Variants in MSI2 observed in about 807,000 individuals in gnomAD.
MSI2 encodes the protein musashi RNA binding protein 2, also known as RNA-binding protein Musashi homolog 2.
A neutral mutation model predicts 45.6 loss-of-function variants in MSI2; 17 were observed. That is an observed-to-expected ratio of 0.37 (90% CI 0.26 to 0.56). The LOEUF is 0.56. Among genes scored for constraint, MSI2 ranks in the 20% least tolerant of loss-of-function variants. The pLI is 0.77. For missense variants in MSI2, 293 were observed against 444.2 expected (o/e 0.66, Z 3.06); for synonymous variants, 156 against 158.2 (o/e 0.99, Z 0.11).
chr17:57,698,926 T>A, the MSI2 span, among the ~76,000 whole-genome samples: 2 of 134,108 alleles, frequency 1.5e-5, 1 homozygote, highest in African/African-American at 6.3e-5. Flanking sequence ...TGTGTGTGTG[T>A]GTGTGTGTGT....
intron 9 of MSI2, among the ~76,000 whole-genome samples, chr17:57,616,792 T>C (rs1020828277): frequency 2.6e-5 from 4 of 152,156 alleles, no homozygotes; most frequent in Non-Finnish European, 5.9e-5. Flanking sequence ...TTAAATGGCA[T>C]GAAAGATGGA....
intron 5 of MSI2, among the ~76,000 whole-genome samples, chr17:57,384,791 T>C (rs1310159393): frequency 6.6e-6 from 1 of 152,202 alleles, no homozygotes; most frequent in Non-Finnish European, 1.5e-5. Flanking sequence ...TGTTGGTGAA[T>C]TTAGTCTGAT....
At chr17:57,411,549 G>A (rs1567808719) in intron 6 of MSI2, among the ~76,000 whole-genome samples, 1 of 152,170 alleles carries the variant, frequency 6.6e-6, no homozygotes, top group Non-Finnish European at 1.5e-5. Flanking sequence ...GACTAGGAGA[G>A]CATAAATGAC....
At chr17:57,311,876 G>A (rs1356251198) in intron 5 of MSI2, among the ~76,000 whole-genome samples, 2 of 152,130 alleles carry the variant, frequency 1.3e-5, no homozygotes, top group Non-Finnish European at 2.9e-5. Context: ...AGAGACTGTG[G>A]GGATGGGGAG....
At chr17:57,466,600 T>C (rs7504077) in intron 6 of MSI2, among the ~76,000 whole-genome samples, 55,567 of 151,932 alleles carry the variant, frequency 0.37, 12,635 homozygotes, top group South Asian at 0.64. Flanking sequence ...TGGTAAATAA[T>C]TTAAAGAATT....
chr17:57,598,659 T>C (rs566989950), intron 8 of MSI2, among the ~76,000 whole-genome samples: 10 of 150,190 alleles, frequency 6.7e-5, no homozygotes, highest in African/African-American at 2.2e-4. Context: ...AGGTTACTAC[T>C]TGCTATTTTT....
intron 7 of MSI2, among the ~76,000 whole-genome samples, chr17:57,555,812 G>A (rs776490240): frequency 3.3e-5 from 5 of 152,150 alleles, no homozygotes; most frequent in Admixed American, 6.5e-5. Flanking sequence ...GCAGCCCCTC[G>A]AGGCCAAGTG....
At chr17:57,575,634 G>C (rs936031034) in intron 7 of MSI2, among the ~76,000 whole-genome samples, 1 of 152,094 alleles carries the variant, frequency 6.6e-6, no homozygotes, top group Admixed American at 6.6e-5. Flanking sequence ...ACTCCCCCTG[G>C]CCCAGGCTCT....
chr17:57,659,473 G>A (rs575181154), intron 11 of MSI2, among the ~76,000 whole-genome samples: 1 of 152,316 alleles, frequency 6.6e-6, no homozygotes, highest in Non-Finnish European at 1.5e-5. Flanking sequence ...CAGGAAGGCA[G>A]AAGTTTGTGG....
intron 6 of MSI2, among the ~76,000 whole-genome samples, chr17:57,409,881 A>G (rs990641992): frequency 1.3e-4 from 19 of 151,866 alleles, no homozygotes; most frequent in African/African-American, 3.9e-4. Context: ...GGTGGTGGGC[A>G]CCTGTAATCC....
intron 12 of MSI2, among the ~76,000 whole-genome samples, chr17:57,675,841 G>C (rs1913191055): frequency 6.6e-6 from 1 of 152,204 alleles, no homozygotes; most frequent in Non-Finnish European, 1.5e-5. Context: ...TCTATAATCT[G>C]ACTAATCCAG....
chr17:57,556,699 A>C (rs1211885298), intron 7 of MSI2, among the ~76,000 whole-genome samples: 1 of 152,206 alleles, frequency 6.6e-6, no homozygotes, highest in Non-Finnish European at 1.5e-5. Flanking sequence ...GGCTTTGCAG[A>C]GGCTTGCGGC....
intron 6 of MSI2, among the ~76,000 whole-genome samples, chr17:57,477,090 G>T (rs958435936): frequency 6.6e-6 from 1 of 151,590 alleles, no homozygotes; most frequent in African/African-American, 2.4e-5. Context: ...GGAAAGGCAG[G>T]GTAGGGTCAA....
At chr17:57,337,446 C>G (rs1914767533) in intron 5 of MSI2, among the ~76,000 whole-genome samples, 1 of 152,144 alleles carries the variant, frequency 6.6e-6, no homozygotes, top group Non-Finnish European at 1.5e-5. Context: ...GACTCATTTT[C>G]TCTCCACTTT....
intron 6 of MSI2, chr17:57,440,731 G>A (rs1335166240): frequency 6.6e-6 from 1 of 152,458 alleles, no homozygotes; most frequent in African/African-American, 2.4e-5. Context: ...TGATTTCCTG[G>A]CGTGCAGGGT....
intron 7 of MSI2, among the ~76,000 whole-genome samples, chr17:57,577,141 G>C (rs1017918245): frequency 1.3e-5 from 2 of 152,242 alleles, no homozygotes; most frequent in African/African-American, 4.8e-5. Flanking sequence ...AGATCTTGAA[G>C]GACTACCCCT....
At chr17:57,632,232 T>G (rs1412501098) in intron 10 of MSI2, 1 of 1,101,402 alleles carries the variant, frequency 9.1e-7, no homozygotes, top group Non-Finnish European at 1.1e-6. Context: ...TTTGAAGTGC[T>G]GGTGGTCCAG....
chr17:57,597,010 T>A, intron 8 of MSI2, 60 bp downstream of exon 8: 1 of 1,247,892 alleles, frequency 8.0e-7, no homozygotes, highest in Non-Finnish European at 1.2e-6. Flanking sequence ...ACACACCCAG[T>A]CTTGCAGACT....
At chr17:57,597,558 T>G (rs564923691) in intron 8 of MSI2, among the ~76,000 whole-genome samples, 1 of 151,006 alleles carries the variant, frequency 6.6e-6, no homozygotes, top group Non-Finnish European at 1.5e-5. Flanking sequence ...CCCAGGAGGT[T>G]GAGGCTGCAG....
Sources: gnomAD v4.1 joint callset for allele counts (sites outside exome capture counted in the v4.1 genomes callset) on GRCh38, gnomAD v4.1.1 for gene constraint, MANE v1.5 for transcripts, NCBI Gene and HGNC (gene_info 2026-07-23, HGNC 2026-07-21) for gene names.